The following CALU variants were observed in gnomAD, a reference collection of about 807,000 sequenced individuals.
CALU encodes IEF SSP 9302.
In CALU, 13 loss-of-function variants were observed where a neutral mutation model predicts 37.5. The ratio of observed to expected loss-of-function variants is 0.35; its 90% CI spans 0.23 to 0.55. The LOEUF (loss-of-function observed/expected upper bound fraction) is 0.55, where lower values mean the gene tolerates loss of function less well. Ranked by LOEUF, CALU falls within the 20% of genes least tolerant of loss-of-function variation. The pLI is 0.89. For synonymous variants in CALU, 114 were observed against 133.8 expected (o/e 0.85, Z 1.02); for missense variants, 282 against 391.7 (o/e 0.72, Z 2.36).
intron 2 of CALU, 98 bp from the exon 3 acceptor site, chr7:128,754,164 T>C (rs1800778847): frequency 1.1e-6 from 1 of 940,814 alleles, no homozygotes; most frequent in African/African-American, 1.7e-5. Flanking sequence ...TGGAGACAAT[T>C]TTTTATTTCT....
At chr7:128,752,282 T>C (rs1323947231) in intron 2 of CALU, among the ~76,000 whole-genome samples, 1 of 152,240 alleles carries the variant, frequency 6.6e-6, no homozygotes, top group Non-Finnish European at 1.5e-5. Flanking sequence ...AATTTTTTTC[T>C]TAAGTTTGCC....
rs1800994882 is a variant in CALU at position 128,758,980 on chromosome 7, G to T, written c.525G>T (p.Glu175Asp). 6.2e-7 allele frequency: 1 copy of T among 1,613,880 alleles called. No individual in the cohort carries two copies. The highest frequency in any genetic ancestry group is 8.5e-7 in the Non-Finnish European group (1 of 1,179,904). Residue 175 changes from glutamate to aspartate, a missense_variant, in exon 4 of 7, where the codon GAG becomes GAT. Coordinates refer to ENST00000249364, the MANE Select transcript of CALU (RefSeq NM_001219.5). ...KDGDLIATKE[E>D]FTAFLHPEEY... Reference sequence around the variant, plus strand: ...GAGACCTCATTGCCACCAAGGAGGAGTTCACAGCTTTCCTGCACCCTGAGG... The same window carrying T: ...GAGACCTCATTGCCACCAAGGAGGATTTCACAGCTTTCCTGCACCCTGAGG...
Position 128,772,774 on chromosome 7 carries a change from T to A in CALU, c.*3607T>A. ...ACAATGCTTTGTACCCAGAATGCCC[T>A]TAGGTGGTTTTGAATCTATCTTCCC... On this transcript the variant is annotated 3_prime_UTR_variant, in exon 7 of 7. Coordinates refer to ENST00000249364, the MANE Select transcript of CALU (RefSeq NM_001219.5). 1 of 1,403,646 alleles carries A rather than the reference T, an allele frequency of 7.1e-7. No homozygotes were observed. Among genetic ancestry groups the A allele is most frequent in the Non-Finnish European group, 1.0e-6 (1 of 1,000,332 alleles). 86.9% of individuals were successfully genotyped at this position (1,403,646 alleles called of 1,614,324 possible).
intron 3 of CALU, among the ~76,000 whole-genome samples, chr7:128,757,247 T>C (rs916282477): frequency 2.0e-5 from 3 of 152,214 alleles, no homozygotes; most frequent in African/African-American, 4.8e-5. Flanking sequence ...TGTCTTGTTA[T>C]GTTTCTTATT....
At chr7:128,760,111 T>C (rs1045986766) in intron 5 of CALU, among the ~76,000 whole-genome samples, 1 of 152,090 alleles carries the variant, frequency 6.6e-6, no homozygotes, top group Non-Finnish European at 1.5e-5. Context: ...GGCAGAAGAA[T>C]CGCTTGAACC....
chr7:128,741,832 TTC>T (rs1800254345), intron 1 of CALU, among the ~76,000 whole-genome samples: 1 of 152,224 alleles, frequency 6.6e-6, no homozygotes, highest in African/African-American at 2.4e-5. Context: ...GGAAACTTTT[TTC>T]TCTCAGAATT....
At position 128,772,064 on chromosome 7, in the gene CALU, T is replaced by G. The variant is rs1037095751; in HGVS notation, c.*2897T>G. On this transcript the variant is annotated 3_prime_UTR_variant, in exon 7 of 7. Coordinates refer to ENST00000249364, the MANE Select transcript of CALU (RefSeq NM_001219.5). ...ATTTGGGGCCACTGAGTTTTTTTTG[T>G]TTTTTTTTTTGTTTTGTTTTGTTTT... is the stretch of plus-strand genomic sequence containing the variant. Among the ~76,000 whole-genome samples, 5 of 130,792 alleles carry G rather than the reference T, an allele frequency of 3.8e-5. No homozygotes were observed. Among genetic ancestry groups the G allele is most frequent in the African/African-American group, 1.4e-4 (4 of 29,250 alleles). The allele number at this position is 130,792 out of a possible 152,430, so 85.8% of individuals were successfully genotyped here.
chr7:128,763,478 C>A (rs1801201985), intron 5 of CALU, among the ~76,000 whole-genome samples: 1 of 152,136 alleles, frequency 6.6e-6, no homozygotes, highest in African/African-American at 2.4e-5. Context: ...TTGCAGTGAG[C>A]CGAGATCGCG....
At chr7:128,764,982 C>T (rs551087843) in intron 5 of CALU, among the ~76,000 whole-genome samples, 24 of 152,222 alleles carry the variant, frequency 1.6e-4, no homozygotes, top group Admixed American at 1.3e-3. Context: ...TGTGCAGTGG[C>T]ACAATCACAG....
At chr7:128,759,300 T>C (rs1801009169) in intron 4 of CALU, among the ~76,000 whole-genome samples, 1 of 152,214 alleles carries the variant, frequency 6.6e-6, no homozygotes, top group Non-Finnish European at 1.5e-5. Flanking sequence ...ATTTCATTGG[T>C]AGCTTCATAT....
chr7:128,752,205 A>G (rs142773586), intron 2 of CALU, among the ~76,000 whole-genome samples: 1 of 152,284 alleles, frequency 6.6e-6, no homozygotes, highest in East Asian at 1.9e-4. Flanking sequence ...AATATTTACT[A>G]TCTGTCCCTT....
Position 128,772,711 on chromosome 7 carries a change from G to GA in CALU, c.*3550dup. 1.2e-6 allele frequency: 2 copies of GA among 1,611,558 alleles called. No homozygotes were observed. The highest frequency in any genetic ancestry group is 1.7e-6 in the Non-Finnish European group (2 of 1,177,912). On this transcript the variant is annotated 3_prime_UTR_variant, in exon 7 of 7. Coordinates refer to ENST00000249364, the MANE Select transcript of CALU (RefSeq NM_001219.5). Reference sequence around the variant, plus strand: ...AACCTTGGCAGATGAGGAAGTATGGGAAAAAAGACCTTATTCTCTGTATCA... The same window carrying GA: ...AACCTTGGCAGATGAGGAAGTATGGGAAAAAAAGACCTTATTCTCTGTATCA...
intron 3 of CALU, among the ~76,000 whole-genome samples, chr7:128,757,644 T>C (rs1800940944): frequency 6.6e-6 from 1 of 152,216 alleles, no homozygotes; most frequent in Non-Finnish European, 1.5e-5. Flanking sequence ...GTAATCAATA[T>C]GTTGCAGGAA....
chr7:128,742,838 C>A (rs1458374397), intron 1 of CALU, among the ~76,000 whole-genome samples: 1 of 152,062 alleles, frequency 6.6e-6, no homozygotes, highest in Non-Finnish European at 1.5e-5. Context: ...TTATAGAAGA[C>A]CATTATTGGT....
At chr7:128,750,141 T>C (rs1800606995) in intron 2 of CALU, among the ~76,000 whole-genome samples, 2 of 143,308 alleles carry the variant, frequency 1.4e-5, no homozygotes, top group Admixed American at 1.5e-4. Flanking sequence ...GGCAGGAGAA[T>C]GGCGTGAACC....
chr7:128,767,090 T>C (rs1007873937), intron 5 of CALU, among the ~76,000 whole-genome samples: 1 of 152,220 alleles, frequency 6.6e-6, no homozygotes, highest in Admixed American at 6.5e-5. Context: ...AGTAATTGGC[T>C]ACACCTTTCT....
intron 1 of CALU, among the ~76,000 whole-genome samples, chr7:128,744,552 T>A (rs543780490): frequency 7.2e-5 from 11 of 152,226 alleles, no homozygotes; most frequent in African/African-American, 2.4e-4. Context: ...CATTCCTCCC[T>A]GCAGAAAGAT....
rs1470660919 is a variant in CALU at position 128,770,025 on chromosome 7, G to C, written c.*858G>C. On this transcript the variant is annotated 3_prime_UTR_variant, in exon 7 of 7. Transcript: ENST00000249364. Reference sequence around the variant, plus strand: ...TGAAATGCTCAAGACTTAATTATTTGCCTTTTGAAATCACTGTAAATGCCC... The same window carrying C: ...TGAAATGCTCAAGACTTAATTATTTCCCTTTTGAAATCACTGTAAATGCCC... 2 of 152,400 alleles carry C rather than the reference G, an allele frequency of 1.3e-5. No individual in the cohort carries two copies. Among genetic ancestry groups the C allele is most frequent in the Admixed American group, 1.3e-4 (2 of 15,254 alleles). 9.4% of individuals were successfully genotyped at this position (152,400 alleles called of 1,614,324 possible). A position where few individuals can be genotyped will look rare whatever the true frequency, so the allele number is the denominator to read the frequency against.
At chr7:128,752,270 T>C (rs1800705849) in intron 2 of CALU, among the ~76,000 whole-genome samples, 1 of 152,160 alleles carries the variant, frequency 6.6e-6, no homozygotes, top group Non-Finnish European at 1.5e-5. Flanking sequence ...TAAAAAACAA[T>C]AAATTTTTTT....
Sources: allele counts gnomAD v4.1 joint callset (sites outside exome capture counted in the v4.1 genomes callset), GRCh38; gene constraint gnomAD v4.1.1; transcripts MANE v1.5; gene names NCBI Gene and HGNC (gene_info 2026-07-23, HGNC 2026-07-21).